NXPH1: variants seen among roughly 807,000 people sequenced by gnomAD.
The protein encoded by NXPH1 is neurexophilin 1.
Under a neutral mutation model 23.7 loss-of-function variants are expected in NXPH1, and 5 were observed. The ratio of observed to expected loss-of-function variants is 0.21; its 90% CI spans 0.11 to 0.44. The LOEUF is 0.44. NXPH1 is among the 20% of genes least tolerant of loss of function. The probability of loss-of-function intolerance (pLI) is 0.99; values close to 1 mark genes in which losing one functional copy is unlikely to be tolerated. For synonymous variants in NXPH1, 144 were observed against 122.2 expected, an observed-to-expected ratio of 1.18 and a Z score of -1.18; for missense variants, 324 against 321.6, an observed-to-expected ratio of 1.01 and a Z score of -0.06.
chr7:8,446,295 C>T (rs1017379237), intron 2 of NXPH1, among the ~76,000 whole-genome samples: 5 of 152,172 alleles, frequency 3.3e-5, no homozygotes, highest in Middle Eastern at 3.4e-3. Flanking sequence ...ATGTACTTGA[C>T]GTGTTTTGAA....
At chr7:8,677,169 G>A (rs982394290) in intron 2 of NXPH1, among the ~76,000 whole-genome samples, 5 of 152,130 alleles carry the variant, frequency 3.3e-5, no homozygotes, top group Non-Finnish European at 7.4e-5. Context: ...AAGGAAACTA[G>A]AATAATTATA....
chr7:8,608,895 T>C (rs1390573016), intron 2 of NXPH1, among the ~76,000 whole-genome samples: 1 of 152,164 alleles, frequency 6.6e-6, no homozygotes, highest in Non-Finnish European at 1.5e-5. Context: ...ATTACTTGTG[T>C]AATTAGGTAC....
At chr7:8,723,701 G>C (rs1236818909) in intron 2 of NXPH1, among the ~76,000 whole-genome samples, 1 of 152,160 alleles carries the variant, frequency 6.6e-6, no homozygotes, top group Non-Finnish European at 1.5e-5. Context: ...ATTTAGGAAG[G>C]ATTTGTATAG....
intron 2 of NXPH1, among the ~76,000 whole-genome samples, chr7:8,453,271 C>T (rs752008083): frequency 6.6e-6 from 1 of 152,062 alleles, no homozygotes. Context: ...AATTGACATG[C>T]GATCTTGCCT....
chr7:8,740,807 G>A (rs897339218), intron 2 of NXPH1, among the ~76,000 whole-genome samples: 3 of 151,840 alleles, frequency 2.0e-5, no homozygotes, highest in African/African-American at 7.3e-5. Context: ...CTTATAATGT[G>A]ATGTTTTGAT....
intron 2 of NXPH1, among the ~76,000 whole-genome samples, chr7:8,695,962 C>T (rs1779493849): frequency 6.6e-6 from 1 of 152,108 alleles, no homozygotes; most frequent in Non-Finnish European, 1.5e-5. Flanking sequence ...AAGAAAATAA[C>T]ACCATGTGTC....
chr7:8,497,160 C>T (rs893854541), intron 2 of NXPH1, among the ~76,000 whole-genome samples: 20 of 152,212 alleles, frequency 1.3e-4, no homozygotes, highest in African/African-American at 4.3e-4. Context: ...TGGTTTCCAG[C>T]TTCATCCATG....
chr7:8,749,189 A>G (rs1780522833), intron 2 of NXPH1, among the ~76,000 whole-genome samples: 1 of 152,206 alleles, frequency 6.6e-6, no homozygotes, highest in South Asian at 2.1e-4. Flanking sequence ...AGCTACATTT[A>G]TTGAGCCCTT....
chr7:8,748,239 C>T (rs1056981647), intron 2 of NXPH1, among the ~76,000 whole-genome samples: 25 of 151,996 alleles, frequency 1.6e-4, no homozygotes, highest in African/African-American at 3.4e-4. Context: ...TCCATTTCTG[C>T]GATACTATTT....
chr7:8,577,087 G>A (rs1032190750), intron 2 of NXPH1, among the ~76,000 whole-genome samples: 5 of 152,028 alleles, frequency 3.3e-5, no homozygotes, highest in Non-Finnish European at 7.4e-5. Context: ...TATTAATACT[G>A]TATTAGTCAG....
chr7:8,714,472 C>T (rs1779846237), intron 2 of NXPH1, among the ~76,000 whole-genome samples: 1 of 151,714 alleles, frequency 6.6e-6, no homozygotes, highest in South Asian at 2.1e-4. Flanking sequence ...AGACAAAGTC[C>T]CCTTTACTTT....
At chr7:8,688,946 G>T (rs898594935) in intron 2 of NXPH1, among the ~76,000 whole-genome samples, 3 of 151,994 alleles carry the variant, frequency 2.0e-5, no homozygotes, top group Non-Finnish European at 4.4e-5. Context: ...ATGTTTCTAG[G>T]TACCTTCGTT....
intron 2 of NXPH1, among the ~76,000 whole-genome samples, chr7:8,602,289 C>T (rs971249866): frequency 6.6e-6 from 1 of 152,148 alleles, no homozygotes; most frequent in African/African-American, 2.4e-5. Flanking sequence ...CATTAGAGAT[C>T]TGAACACATT....
At chr7:8,648,113 G>A (rs530874986) in intron 2 of NXPH1, among the ~76,000 whole-genome samples, 4 of 152,098 alleles carry the variant, frequency 2.6e-5, no homozygotes, top group African/African-American at 9.6e-5. Context: ...AGCACATCAT[G>A]GAGAATGGGG....
At chr7:8,661,838 T>C (rs1820680393) in intron 2 of NXPH1, among the ~76,000 whole-genome samples, 1 of 152,030 alleles carries the variant, frequency 6.6e-6, no homozygotes, top group African/African-American at 2.4e-5. Context: ...TGCATATGTT[T>C]CCAAATAATG....
chr7:8,670,880 T>C (rs1374160093), intron 2 of NXPH1, among the ~76,000 whole-genome samples: 2 of 152,242 alleles, frequency 1.3e-5, no homozygotes, highest in Admixed American at 6.5e-5. Flanking sequence ...CTGATACTGC[T>C]TTCTAATCAT....
rs1819048786 is a variant in NXPH1 at position 8,589,552 on chromosome 7, G to A, written c.54+153785G>A. On this transcript the variant is annotated intron_variant, in intron 2 of 2. Transcript: ENST00000405863. ...GTATTATACCTAGCAAAAAGTGAGG[G>A]TGAGGAGATCAGCTTCTGATGCTGG... Among the ~76,000 whole-genome samples the A allele has an allele frequency of 1.3e-5, 2 of 152,196 alleles. 1 individual carries two copies. The highest frequency in any genetic ancestry group is 4.1e-4 in the South Asian group (2 of 4,820).
At chr7:8,464,747 C>T (rs983561578) in intron 2 of NXPH1, among the ~76,000 whole-genome samples, 4 of 135,946 alleles carry the variant, frequency 2.9e-5, no homozygotes, top group East Asian at 2.7e-4. Flanking sequence ...ATGTGTAATG[C>T]GTGTAGTGTT....
At chr7:8,739,920 C>T (rs758158800) in intron 2 of NXPH1, among the ~76,000 whole-genome samples, 6 of 152,176 alleles carry the variant, frequency 3.9e-5, no homozygotes, top group Non-Finnish European at 8.8e-5. Context: ...AGGAATTTTT[C>T]AGCTCCATTA....
Sources: allele counts gnomAD v4.1 joint callset (sites outside exome capture counted in the v4.1 genomes callset), GRCh38; gene constraint gnomAD v4.1.1; transcripts MANE v1.5; gene names NCBI Gene and HGNC (gene_info 2026-07-23, HGNC 2026-07-21).